Variants in DOCK2 observed in about 807,000 individuals in gnomAD.
The protein encoded by DOCK2 is dedicator of cytokinesis 2.
A neutral mutation model predicts 248.9 loss-of-function variants in DOCK2; 87 were observed. That is an observed-to-expected ratio of 0.35 (90% CI 0.29 to 0.42). DOCK2 has a LOEUF of 0.42. Among genes scored for constraint, DOCK2 ranks in the 10% least tolerant of loss-of-function variants. The pLI is 1.00. For synonymous variants in DOCK2, 805 were observed against 821.6 expected (o/e 0.98, Z 0.35); for missense variants, 1,747 against 2,300.2 (o/e 0.76, Z 4.92).
chr5:169,792,502 G>A (rs1766405059), intron 25 of DOCK2, among the ~76,000 whole-genome samples: 2 of 151,512 alleles, frequency 1.3e-5, no homozygotes, highest in South Asian at 4.2e-4. Context: ...TTAAAGATGA[G>A]CGTCTTGTTA....
At chr5:169,986,901 C>T (rs6890813) in intron 29 of DOCK2, among the ~76,000 whole-genome samples, 65,176 of 151,986 alleles carry the variant, frequency 0.43, 14,507 homozygotes, top group African/African-American at 0.55. Flanking sequence ...TAGAAATATC[C>T]CTAGAGGGCA....
At chr5:169,884,900 G>A (rs1772877045) in intron 27 of DOCK2, 3 of 152,176 alleles carry the variant, frequency 2.0e-5, no homozygotes, top group Admixed American at 2.0e-4. Flanking sequence ...CTTCCTAGCT[G>A]AGTATTTTGA....
At chr5:169,980,460 A>T (rs1449659627) in intron 27 of DOCK2, 1 of 152,184 alleles carries the variant, frequency 6.6e-6, no homozygotes, top group African/African-American at 2.4e-5. Flanking sequence ...AAAGCCGAAC[A>T]AACTGCTCGG....
intron 27 of DOCK2, among the ~76,000 whole-genome samples, chr5:169,873,191 T>C (rs1772096290): frequency 6.6e-6 from 1 of 152,240 alleles, no homozygotes; most frequent in African/African-American, 2.4e-5. Context: ...AAATCCTACT[T>C]CTTTTCCTTT....
intron 44 of DOCK2, among the ~76,000 whole-genome samples, chr5:170,058,149 G>T (rs1757202908): frequency 6.6e-6 from 1 of 152,098 alleles, no homozygotes; most frequent in South Asian, 2.1e-4. Flanking sequence ...CACCTATTTT[G>T]CTTCTCAGCA....
intron 9 of DOCK2, 32 bp from the exon 10 acceptor site, chr5:169,695,769 CAT>C: frequency 6.2e-7 from 1 of 1,612,342 alleles, no homozygotes; most frequent in Middle Eastern, 1.7e-4. Context: ...CCATTCAGCA[CAT>C]GATGGTCAAT....
intron 32 of DOCK2, among the ~76,000 whole-genome samples, chr5:170,009,568 C>T (rs1319712223): frequency 1.3e-5 from 2 of 152,244 alleles, no homozygotes; most frequent in East Asian, 3.9e-4. Flanking sequence ...TTTTATTTTT[C>T]TGTCCCTCCT....
chr5:169,880,952 G>A (rs1772606762), intron 27 of DOCK2, among the ~76,000 whole-genome samples: 1 of 152,208 alleles, frequency 6.6e-6, no homozygotes, highest in South Asian at 2.1e-4. Context: ...AGCTACTGTT[G>A]AGGAAGAGGC....
intron 27 of DOCK2, among the ~76,000 whole-genome samples, chr5:169,885,044 C>T (rs1340835567): frequency 6.6e-6 from 1 of 152,130 alleles, no homozygotes; most frequent in Non-Finnish European, 1.5e-5. Flanking sequence ...CATTTCTGCA[C>T]AGCACTCAGC....
At chr5:169,802,695 A>G (rs1767074846) in intron 25 of DOCK2, among the ~76,000 whole-genome samples, 2 of 152,318 alleles carry the variant, frequency 1.3e-5, no homozygotes, top group South Asian at 2.1e-4. Flanking sequence ...GTAAAATTGT[A>G]TAAAAGGGTC....
intron 26 of DOCK2, among the ~76,000 whole-genome samples, chr5:169,816,164 G>A (rs1410259174): frequency 6.6e-6 from 1 of 152,182 alleles, no homozygotes; most frequent in Non-Finnish European, 1.5e-5. Context: ...TGGTATAAAT[G>A]TAAATCCTTA....
chr5:169,805,007 T>G (rs1767268469), intron 26 of DOCK2, among the ~76,000 whole-genome samples: 1 of 152,176 alleles, frequency 6.6e-6, no homozygotes, highest in East Asian at 1.9e-4. Flanking sequence ...AAAATTGTTT[T>G]TTTAAAGGGA....
chr5:169,882,603 G>C, intron 27 of DOCK2: 1 of 1,551,590 alleles, frequency 6.4e-7, no homozygotes, highest in African/African-American at 1.4e-5. Flanking sequence ...CATTCAAAAG[G>C]ACTTTAATTT....
chr5:169,813,256 C>A (rs1194686270), intron 26 of DOCK2, among the ~76,000 whole-genome samples: 2 of 152,252 alleles, frequency 1.3e-5, no homozygotes, highest in Middle Eastern at 3.4e-3. Flanking sequence ...ATATTAAAAT[C>A]TAAGGTAATA....
chr5:169,932,858 G>A (rs1186188598), intron 27 of DOCK2, among the ~76,000 whole-genome samples: 1 of 149,742 alleles, frequency 6.7e-6, no homozygotes, highest in African/African-American at 2.5e-5. Flanking sequence ...AATTTCCCAG[G>A]GCCAAATAAA....
chr5:169,931,413 C>T (rs895962867), intron 27 of DOCK2, among the ~76,000 whole-genome samples: 7 of 152,206 alleles, frequency 4.6e-5, no homozygotes, highest in Non-Finnish European at 7.3e-5. Flanking sequence ...TTCTCCCGTT[C>T]GCCTGAACCC....
intron 35 of DOCK2, among the ~76,000 whole-genome samples, chr5:170,035,924 G>T (rs1438609108): frequency 6.6e-6 from 1 of 152,150 alleles, no homozygotes; most frequent in Non-Finnish European, 1.5e-5. Context: ...CACAGGATTA[G>T]GATCTCTGGT....
At chr5:169,894,190 C>T (rs1773458480) in intron 27 of DOCK2, among the ~76,000 whole-genome samples, 1 of 152,186 alleles carries the variant, frequency 6.6e-6, no homozygotes, top group Non-Finnish European at 1.5e-5. Flanking sequence ...ATTATCACTC[C>T]CATTTTGCAG....
intron 27 of DOCK2, among the ~76,000 whole-genome samples, chr5:169,954,512 C>A (rs1431933726): frequency 1.3e-5 from 2 of 152,342 alleles, no homozygotes; most frequent in East Asian, 1.9e-4. Context: ...CTCTTGGCCA[C>A]CCCCCTGAAG....
Sources: allele counts gnomAD v4.1 joint callset (sites outside exome capture counted in the v4.1 genomes callset), GRCh38; gene constraint gnomAD v4.1.1; transcripts MANE v1.5; gene names NCBI Gene and HGNC (gene_info 2026-07-23, HGNC 2026-07-21).